The following COMT variants were observed in gnomAD, a reference collection of about 807,000 sequenced individuals.
The protein encoded by COMT is catechol-O-methyltransferase, also known as catechol O-methyltransferase.
Under a neutral mutation model 18.9 loss-of-function variants are expected in COMT, and 13 were observed. The ratio of observed to expected loss-of-function variants is 0.69; its 90% confidence interval spans 0.45 to 1.09. The LOEUF (loss-of-function observed/expected upper bound fraction) is 1.09, where lower values mean the gene tolerates loss of function less well. Ranked by LOEUF, COMT falls within the 50% of genes least tolerant of loss-of-function variation. COMT has a pLI of 0.00. For missense variants in COMT, 329 were observed against 361.8 expected, an observed-to-expected ratio of 0.91 and a Z score of 0.73; for synonymous variants, 150 against 160.9, an observed-to-expected ratio of 0.93 and a Z score of 0.51.
At chr22:19,960,192 C>T (rs542074956) in intron 1 of COMT, among the ~76,000 whole-genome samples, 3 of 152,368 alleles carry the variant, frequency 2.0e-5, no homozygotes, top group Non-Finnish European at 4.4e-5. Flanking sequence ...ACTCCAAGGT[C>T]TACCAAGTAA....
At chr22:19,959,231 G>A (rs1205466722) in intron 1 of COMT, among the ~76,000 whole-genome samples, 1 of 152,246 alleles carries the variant, frequency 6.6e-6, no homozygotes, top group African/African-American at 2.4e-5. Flanking sequence ...TAGCACAGGT[G>A]GGTTTCTACG....
rs138056183 is a variant in COMT, at chr22:19,964,204, C to T, written c.520C>T (p.Pro174Ser). Residue 174 changes from proline (P) to serine (S), a missense_variant, in exon 5 of 6, where the codon CCC (proline) becomes TCC (serine). Transcript: ENST00000361682. ...LVVGASQDII[P>S]QLKKKYDVDT... is the part of the protein sequence containing the mutation. The stretch of plus-strand genomic sequence containing the variant: ...GGTTGGAGCGTCCCAGGACATCATC[C>T]CCCAGCTGAAGAAGAAGTATGATGT... The T allele has an allele frequency of 2.5e-6, 4 of 1,614,114 alleles. No homozygotes were observed. The highest frequency in any genetic ancestry group is 3.4e-6 in the Non-Finnish European group (4 of 1,180,014).
intron 5 of COMT, chr22:19,967,175 T>A (rs202238633): frequency 1.5e-4 from 202 of 1,304,696 alleles, no homozygotes; most frequent in Non-Finnish European, 1.9e-4. Context: ...TGCAGTGGTC[T>A]GGTGTCTTTC....
At chr22:19,952,522 C>T (rs1941964327) in intron 1 of COMT, among the ~76,000 whole-genome samples, 1 of 151,934 alleles carries the variant, frequency 6.6e-6, no homozygotes. Context: ...CGCCTGTAGT[C>T]CCAGCTACTG....
At chr22:19,948,653 C>G (rs1273161077) in intron 1 of COMT, among the ~76,000 whole-genome samples, 1 of 152,078 alleles carries the variant, frequency 6.6e-6, no homozygotes, top group Non-Finnish European at 1.5e-5. Flanking sequence ...GAGTGAGACT[C>G]TGTCACTAAA....
chr22:19,966,436 T>TA (rs362115), intron 5 of COMT, among the ~76,000 whole-genome samples: 4,843 of 135,220 alleles, frequency 0.036, 283 homozygotes, highest in African/African-American at 0.13. Context: ...AGTTCCCCCT[T>TA]AAAAAAAAAA....
At position 19,962,221 on chromosome 22, in the gene COMT, G is replaced by C. The variant is rs184831631; in HGVS notation, c.1-306G>C. The C allele has an allele frequency of 3.1e-3, 1,465 of 472,754 alleles. 7 individuals carry two copies. Among genetic ancestry groups the C allele is most frequent in the Non-Finnish European group, 4.5e-3 (1,153 of 256,644 alleles). The allele number at this position is 472,754 out of a possible 1,614,324, so 29.3% of individuals were successfully genotyped here. A position where few individuals can be genotyped will look rare whatever the true frequency, so the allele number is the denominator to read the frequency against. Reference sequence around the variant, plus strand: ...GAGTCCGTGTCTGCTTCTGTATTTTGTGTGGTTTTAGAGGATCCCTGGGCT... The same window carrying C: ...GAGTCCGTGTCTGCTTCTGTATTTTCTGTGGTTTTAGAGGATCCCTGGGCT... On this transcript the variant is annotated intron_variant, in intron 2 of 5. Coordinates refer to ENST00000361682, the MANE Select transcript of COMT (RefSeq NM_000754.4).
intron 5 of COMT, among the ~76,000 whole-genome samples, chr22:19,968,329 C>A (rs1462510104): frequency 6.6e-6 from 1 of 152,186 alleles, no homozygotes; most frequent in Non-Finnish European, 1.5e-5. Flanking sequence ...TCCCTGTCCT[C>A]ACGGGGCCCA....
chr22:19,959,762 G>T (rs1388703785), intron 1 of COMT, among the ~76,000 whole-genome samples: 1 of 152,160 alleles, frequency 6.6e-6, no homozygotes, highest in Non-Finnish European at 1.5e-5. Flanking sequence ...GCCTGGGCGT[G>T]TTGGCCTTTG....
Position 19,956,141 on chromosome 22 carries a change from T to C in COMT, c.-91-5058T>C, listed in dbSNP as rs1434162965. ...CTTTCTTTTTTTTCTTTTTTTCTTT[T>C]TTTTTTTTTTTTTTTTTTTTTGAGA... is the stretch of plus-strand genomic sequence containing the variant. On this transcript the variant is annotated intron_variant, in intron 1 of 5. Transcript: ENST00000361682. 1.5e-3 allele frequency among the ~76,000 whole-genome samples: 170 copies of C among 114,190 alleles called. 7 individuals carry two copies. The highest frequency in any genetic ancestry group is 2.6e-3 in the East Asian group (11 of 4,152). The allele number at this position is 114,190 out of a possible 152,430, so 74.9% of individuals were successfully genotyped here.
At position 19,964,224 on chromosome 22, in the gene COMT, T is replaced by C; in HGVS notation, c.540T>C (p.Tyr180=). Reference sequence around the variant, plus strand: ...TCATCCCCCAGCTGAAGAAGAAGTATGATGTGGACACACTGGACATGGTCT... The same window carrying C: ...TCATCCCCCAGCTGAAGAAGAAGTACGATGTGGACACACTGGACATGGTCT... ...QDIIPQLKKK[Y]DVDTLDMVFL... Residue 180 remains tyrosine (Y), a synonymous_variant, in exon 5 of 6, where the codon TAT becomes TAC. Coordinates refer to ENST00000361682, the MANE Select transcript of COMT (RefSeq NM_000754.4). 2 of 1,614,078 alleles carry C rather than the reference T, an allele frequency of 1.2e-6. No homozygotes were observed. The highest frequency in any genetic ancestry group is 1.7e-6 in the Non-Finnish European group (2 of 1,180,018).
At chr22:19,966,367 C>A (rs1445570908) in intron 5 of COMT, among the ~76,000 whole-genome samples, 1 of 151,178 alleles carries the variant, frequency 6.6e-6, no homozygotes, top group Non-Finnish European at 1.5e-5. Context: ...TTTGAGGAGG[C>A]CTCTCCACCG....
At chr22:19,958,845 C>T (rs1942124896) in intron 1 of COMT, among the ~76,000 whole-genome samples, 1 of 151,934 alleles carries the variant, frequency 6.6e-6, no homozygotes, top group African/African-American at 2.4e-5. Context: ...TGAGCTGCGA[C>T]CGCGCCACTG....
chr22:19,943,640 TA>T (rs879376249), intron 1 of COMT, among the ~76,000 whole-genome samples: 367 of 143,340 alleles, frequency 2.6e-3, no homozygotes, highest in African/African-American at 6.3e-3. Flanking sequence ...CCCCTATCTT[TA>T]AAAAAAAAAA....
chr22:19,968,170 T>G (rs1942527686), intron 5 of COMT, among the ~76,000 whole-genome samples: 1 of 152,186 alleles, frequency 6.6e-6, no homozygotes, highest in South Asian at 2.1e-4. Context: ...TGCCTCTCCC[T>G]CATAGGCCTG....
rs755825980 is a variant in COMT at position 19,962,799 on chromosome 22, C to T, written c.273C>T (p.Asn91=). Residue 91 remains asparagine (N), a synonymous_variant, in exon 3 of 6, where the codon AAC becomes AAT. Coordinates refer to ENST00000361682, the MANE Select transcript of COMT (RefSeq NM_000754.4). ...TYCEQKEWAM[N]VGDKKGKIVD... ...GCGAGCAGAAGGAGTGGGCCATGAA[C>T]GTGGGCGACAAGAAAGGTGGGGTCC... The T allele has an allele frequency of 1.2e-5, 19 of 1,604,656 alleles. No individual in the cohort carries two copies. In the East Asian group the frequency reaches 2.2e-4, roughly 19 times the overall value.
chr22:19,969,322 C>G lies in COMT; in HGVS notation c.*586C>G, dbSNP rs2146202625. 6.5e-6 allele frequency: 1 copy of G among 154,226 alleles called. No homozygotes were observed. The highest frequency in any genetic ancestry group is 2.0e-4 in the South Asian group (1 of 4,950). 9.6% of individuals were successfully genotyped at this position (154,226 alleles called of 1,614,324 possible). On this transcript the variant is annotated 3_prime_UTR_variant, in exon 6 of 6. Transcript: ENST00000361682. The stretch of plus-strand genomic sequence containing the variant: ...TTTCTGACCAAGCAGGCGCTGGGGA[C>G]AGGTGGACCCCGCAGCAGCACCAGC...
At chr22:19,962,282 C>T (rs1253125146) in intron 2 of COMT, 3 of 610,482 alleles carry the variant, frequency 4.9e-6, no homozygotes, top group Non-Finnish European at 8.6e-6. Flanking sequence ...GAGTGTGACC[C>T]TGCAGGCTCC....
In COMT at chr22:19,968,989, A is replaced by C. The variant is rs1942593051; in HGVS notation, c.*253A>C. ...TTATATACTAATATCATGTTTTAAA[A>C]ATATAAAATAGAAATTAAGAATCTA... is the stretch of plus-strand genomic sequence containing the variant. On this transcript the variant is annotated 3_prime_UTR_variant, in exon 6 of 6. Coordinates refer to ENST00000361682, the MANE Select transcript of COMT (RefSeq NM_000754.4). 2.5e-6 allele frequency: 1 copy of C among 394,276 alleles called. No homozygotes were observed. Among genetic ancestry groups the C allele is most frequent in the Admixed American group, 4.0e-5 (1 of 24,986 alleles). 24.4% of individuals were successfully genotyped at this position (394,276 alleles called of 1,614,324 possible). A position where few individuals can be genotyped will look rare whatever the true frequency, so the allele number is the denominator to read the frequency against.
Sources: gnomAD v4.1 joint callset for allele counts (sites outside exome capture counted in the v4.1 genomes callset) on GRCh38, gnomAD v4.1.1 for gene constraint, MANE v1.5 for transcripts, NCBI Gene and HGNC (gene_info 2026-07-23, HGNC 2026-07-21) for gene names.